CPXM2: variants seen among roughly 807,000 people sequenced by gnomAD.
CPXM2 encodes the protein inactive carboxypeptidase-like protein X2.
CPXM2 carries 66 observed loss-of-function variants against 86.1 expected under a neutral mutation model. The ratio of observed to expected loss-of-function variants is 0.77; its 90% CI spans 0.63 to 0.94. The LOEUF (loss-of-function observed/expected upper bound fraction) is 0.94. Among genes scored for constraint, CPXM2 ranks in the 40% least tolerant of loss-of-function variants. The pLI is 0.00. For missense variants in CPXM2, 948 were observed against 1,026.3 expected (o/e 0.92, Z 1.04); for synonymous variants, 388 against 400.2 (o/e 0.97, Z 0.36).
At position 123,842,494 on chromosome 10, in the gene CPXM2, A is replaced by G; in HGVS notation, c.514-6T>C. 1 of 1,612,880 alleles carries G rather than the reference A, an allele frequency of 6.2e-7. No individual in the cohort carries two copies. On this transcript the variant is annotated splice_region_variant and splice_polypyrimidine_tract_variant and intron_variant, in intron 3 of 13. Coordinates refer to ENST00000241305, the MANE Select transcript of CPXM2 (RefSeq NM_198148.3). ...TCATTTTCATTAATGCCCGCCTAGA[A>G]AGAAAGAAAGCGGTGTTCTTCAAAA...
chr10:123,750,791 T>C (rs1445994829), intron 13 of CPXM2: 1 of 985,302 alleles, frequency 1.0e-6, no homozygotes, highest in Non-Finnish European at 1.2e-6. Context: ...TCTCAAAGCT[T>C]CTACTGCAGA....
chr10:123,895,075 A>G (rs1423710110), upstream of CPXM2, among the ~76,000 whole-genome samples: 1 of 148,222 alleles, frequency 6.7e-6, no homozygotes, highest in African/African-American at 2.5e-5. Context: ...TCCACTTGCC[A>G]CTGGGCAACA....
intron 2 of CPXM2, among the ~76,000 whole-genome samples, chr10:123,903,288 G>A (rs28666844): frequency 0.064 from 9,748 of 152,310 alleles, 441 homozygotes; most frequent in Non-Finnish European, 0.08. Flanking sequence ...CATCCCTCTT[G>A]CATGCAGAAG....
chr10:123,873,845 T>G (rs923228816), intron 2 of CPXM2, among the ~76,000 whole-genome samples: 5 of 150,338 alleles, frequency 3.3e-5, no homozygotes, highest in African/African-American at 9.8e-5. Context: ...AGAAATTTAT[T>G]TCTCACATTT....
intron 6 of CPXM2, among the ~76,000 whole-genome samples, chr10:123,784,783 C>A (rs1405456488): frequency 6.6e-6 from 1 of 152,200 alleles, no homozygotes. Context: ...ACCTGCTGAT[C>A]TTAATTCTTT....
At chr10:123,938,554 T>G (rs1014104978) in intron 2 of CPXM2, among the ~76,000 whole-genome samples, 6 of 152,166 alleles carry the variant, frequency 3.9e-5, no homozygotes, top group Non-Finnish European at 8.8e-5. Flanking sequence ...TCTTCATAGC[T>G]CATTGGCCTG....
At chr10:123,820,439 A>G (rs1463745963) in intron 4 of CPXM2, among the ~76,000 whole-genome samples, 1 of 152,146 alleles carries the variant, frequency 6.6e-6, no homozygotes, top group Non-Finnish European at 1.5e-5. Flanking sequence ...ACTGACACAC[A>G]TGTCTGCTCA....
At chr10:123,887,713 C>T (rs1223125246) in intron 1 of CPXM2, among the ~76,000 whole-genome samples, 1 of 152,072 alleles carries the variant, frequency 6.6e-6, no homozygotes, top group African/African-American at 2.4e-5. Flanking sequence ...ACAACACACA[C>T]ACACACATAC....
intron 4 of CPXM2, among the ~76,000 whole-genome samples, chr10:123,806,633 G>A (rs1354740003): frequency 6.6e-6 from 1 of 152,144 alleles, no homozygotes; most frequent in Non-Finnish European, 1.5e-5. Flanking sequence ...AATTTTTAAA[G>A]GAAAGATGTT....
At chr10:123,781,266 C>T (rs367922157) in intron 6 of CPXM2, among the ~76,000 whole-genome samples, 9 of 152,180 alleles carry the variant, frequency 5.9e-5, no homozygotes, top group African/African-American at 2.2e-4. Context: ...AATGTCTGCT[C>T]TTCACTTGAT....
chr10:123,837,670 T>C (rs571582197), intron 4 of CPXM2, among the ~76,000 whole-genome samples: 6 of 152,332 alleles, frequency 3.9e-5, no homozygotes, highest in Non-Finnish European at 7.3e-5. Context: ...TTCATAATTG[T>C]GAGAAGTATA....
intron 7 of CPXM2, among the ~76,000 whole-genome samples, chr10:123,775,479 A>G (rs553574029): frequency 6.6e-6 from 1 of 152,306 alleles, no homozygotes; most frequent in African/African-American, 2.4e-5. Context: ...GCTGTGGGAG[A>G]AATGTGCTGT....
intron 2 of CPXM2, among the ~76,000 whole-genome samples, chr10:123,899,055 G>A (rs1945361271): frequency 6.6e-6 from 1 of 152,152 alleles, no homozygotes; most frequent in Admixed American, 6.5e-5. Flanking sequence ...CGGCCTGAAA[G>A]TTTCCTTTTA....
chr10:123,837,014 C>T (rs185406760), intron 4 of CPXM2, among the ~76,000 whole-genome samples: 6 of 152,370 alleles, frequency 3.9e-5, no homozygotes, highest in East Asian at 1.9e-4. Context: ...CTGGATCTTC[C>T]GCCCAGCGGA....
chr10:123,747,168 C>A, intron 13 of CPXM2, 151 bp from the exon 14 acceptor site: 1 of 971,306 alleles, frequency 1.0e-6, no homozygotes, highest in Non-Finnish European at 1.5e-6. Flanking sequence ...ATTCTTAATG[C>A]ATTTTGGAAG....
intron 4 of CPXM2, among the ~76,000 whole-genome samples, chr10:123,807,181 G>A (rs981608454): frequency 6.6e-6 from 1 of 152,148 alleles, no homozygotes; most frequent in East Asian, 1.9e-4. Flanking sequence ...CAACATACAG[G>A]ATTACTATTA....
chr10:123,877,987 C>G (rs1368862533), intron 2 of CPXM2, among the ~76,000 whole-genome samples: 1 of 152,156 alleles, frequency 6.6e-6, no homozygotes, highest in Non-Finnish European at 1.5e-5. Flanking sequence ...ATCTGCTCTG[C>G]CTGCCACCTT....
chr10:123,858,314 A>T (rs1206971855), intron 3 of CPXM2, among the ~76,000 whole-genome samples: 1 of 152,228 alleles, frequency 6.6e-6, no homozygotes, highest in Non-Finnish European at 1.5e-5. Context: ...CACCGCGCTC[A>T]CACAGGGTGG....
Position 123,782,010 on chromosome 10 carries a change from C to A in CPXM2, c.890-1755G>T, listed in dbSNP as rs530999798. On this transcript the variant is annotated intron_variant, in intron 6 of 13. Transcript: ENST00000241305. ...AAACACAGCTTTTAATATTCACAAA[C>A]GGCTTTCCAGTCATGCAATTACAAA... is the stretch of plus-strand genomic sequence containing the variant. Among the ~76,000 whole-genome samples, 18 of 152,300 alleles carry A rather than the reference C, an allele frequency of 1.2e-4. 1 individual carries two copies. The highest frequency in any genetic ancestry group is 5.2e-4 in the Admixed American group (8 of 15,302).
Sources: gnomAD v4.1 joint callset for allele counts (sites outside exome capture counted in the v4.1 genomes callset) on GRCh38, gnomAD v4.1.1 for gene constraint, MANE v1.5 for transcripts, NCBI Gene and HGNC (gene_info 2026-07-23, HGNC 2026-07-21) for gene names.